The following DIAPH2 variants were observed in gnomAD, a reference collection of about 807,000 sequenced individuals.
The protein encoded by DIAPH2 is diaphanous related formin 2, also known as protein diaphanous homolog 2.
In DIAPH2, 35 loss-of-function variants were observed where a neutral mutation model predicts 92.7. That is an observed-to-expected ratio of 0.38 (90% CI 0.29 to 0.50). The LOEUF is 0.50. Ranked by LOEUF, DIAPH2 falls within the 20% of genes least tolerant of loss-of-function variation. The pLI is 0.94. For synonymous variants in DIAPH2, 301 were observed against 280.4 expected, an observed-to-expected ratio of 1.07 and a Z score of -0.73; for missense variants, 701 against 819.5, an observed-to-expected ratio of 0.86 and a Z score of 1.77.
At chrX:96,801,879 T>A (rs233659) in intron 4 of DIAPH2, among the ~76,000 whole-genome samples, 45,979 of 110,591 alleles carry the variant, frequency 0.42, 8,176 homozygotes, top group African/African-American at 0.7. Flanking sequence ...AAATATTTTT[T>A]AAAATACATT....
intron 23 of DIAPH2, among the ~76,000 whole-genome samples, chrX:97,282,383 C>T (rs934970672): frequency 3.6e-5 from 4 of 111,844 alleles, no homozygotes; most frequent in African/African-American, 1.3e-4. Flanking sequence ...AACCTCGGCT[C>T]ACTGCAACCT....
chrX:96,806,444 T>G (rs1024104566), intron 4 of DIAPH2, among the ~76,000 whole-genome samples: 1 of 108,389 alleles, frequency 9.2e-6, no homozygotes, highest in Admixed American at 1.0e-4. Context: ...GTCGGGAGTT[T>G]GAGACCAGCC....
In DIAPH2 at chrX:96,853,897, G is replaced by A. The variant is rs1457909720; in HGVS notation, c.448-27682G>A. Among the ~76,000 whole-genome samples, 5 of 111,655 alleles carry A rather than the reference G, an allele frequency of 4.5e-5. No individual in the cohort carries two copies. The East Asian group carries it at 1.4e-3, about 31-fold the overall frequency. On this transcript the variant is annotated intron_variant, in intron 4 of 26. Transcript: ENST00000324765. ...TAGTCACATATGATACTGTGCATACGCTAGATTTAAATGTTTAGTGCTTAC... is the reference window on the plus strand; with the variant it reads ...TAGTCACATATGATACTGTGCATACACTAGATTTAAATGTTTAGTGCTTAC...
chrX:97,087,322 C>T (rs778869209), intron 19 of DIAPH2, among the ~76,000 whole-genome samples: 1 of 111,554 alleles, frequency 9.0e-6, no homozygotes, highest in African/African-American at 3.2e-5. Flanking sequence ...CATATTTTGG[C>T]CTTCATTTCA....
At chrX:97,274,561 G>A (rs754472703) in intron 23 of DIAPH2, among the ~76,000 whole-genome samples, 1 of 108,347 alleles carries the variant, frequency 9.2e-6, no homozygotes, top group African/African-American at 3.3e-5. Context: ...TGTTGGCAGT[G>A]AATCAGTAGA....
At chrX:96,833,095 T>C (rs924026980) in intron 4 of DIAPH2, among the ~76,000 whole-genome samples, 3 of 111,414 alleles carry the variant, frequency 2.7e-5, no homozygotes, top group Admixed American at 1.9e-4. Context: ...CCCTTGTTTT[T>C]ACTTTTTTTA....
At chrX:97,528,061 AACTTTAT>A (rs755312272) in intron 26 of DIAPH2, among the ~76,000 whole-genome samples, 6 of 111,946 alleles carry the variant, frequency 5.4e-5, no homozygotes, top group East Asian at 2.8e-4. Context: ...TTAAAAAAAC[AACTTTAT>A]ACTTTAGCAC....
At chrX:97,152,047 G>A (rs942579516) in intron 22 of DIAPH2, among the ~76,000 whole-genome samples, 1 of 111,574 alleles carries the variant, frequency 9.0e-6, no homozygotes, top group Non-Finnish European at 1.9e-5. Context: ...TATGGAAATA[G>A]GTGGAATCCA....
intron 17 of DIAPH2, among the ~76,000 whole-genome samples, chrX:97,037,565 G>T (rs1473525333): frequency 8.9e-6 from 1 of 111,842 alleles, no homozygotes; most frequent in Non-Finnish European, 1.9e-5. Flanking sequence ...CAATTTAGAA[G>T]TAACCATCAT....
chrX:97,168,209 C>T (rs7889901), intron 22 of DIAPH2, among the ~76,000 whole-genome samples: 1,701 of 108,857 alleles, frequency 0.016, 39 homozygotes, highest in African/African-American at 0.055. Context: ...CTCAGCCTCC[C>T]GCTGTAGCTG....
intron 17 of DIAPH2, among the ~76,000 whole-genome samples, chrX:97,042,093 C>T (rs2066452057): frequency 9.0e-6 from 1 of 111,532 alleles, no homozygotes; most frequent in South Asian, 3.7e-4. Context: ...TATAATAATA[C>T]TTTTTTAACA....
rs532328365 is a variant in DIAPH2, at chrX:97,348,886, C to T, written c.3009+606C>T. On this transcript the variant is annotated intron_variant, in intron 24 of 26. Coordinates refer to ENST00000324765, the MANE Select transcript of DIAPH2 (RefSeq NM_006729.5). ...GCTATATAAATGCTATGGAAATACA[C>T]GTCCTCTGCATCTAACAAAGGAGTA... Among the ~76,000 whole-genome samples, 9 of 109,369 alleles carry T rather than the reference C, an allele frequency of 8.2e-5. No homozygotes were observed. In the South Asian group the frequency reaches 1.6e-3, roughly 19 times the overall value. 95.0% of individuals were successfully genotyped at this position (109,369 alleles called of 115,157 possible). A position where few individuals can be genotyped will look rare whatever the true frequency, so the allele number is the denominator to read the frequency against.
At chrX:97,495,001 A>T (rs1424989155) in intron 26 of DIAPH2, among the ~76,000 whole-genome samples, 1 of 112,429 alleles carries the variant, frequency 8.9e-6, no homozygotes, top group African/African-American at 3.2e-5. Flanking sequence ...TCAGTGTCCC[A>T]TGTGAGGTGA....
At chrX:97,252,716 G>GTGTTT (rs57036021) in intron 23 of DIAPH2, among the ~76,000 whole-genome samples, 8,367 of 104,298 alleles carry the variant, frequency 0.08, 418 homozygotes, top group African/African-American at 0.18. Flanking sequence ...CAAAGCTGTT[G>GTGTTT]TGTTTTGTTT....
At chrX:97,341,502 T>C (rs903939669) in intron 23 of DIAPH2, among the ~76,000 whole-genome samples, 1 of 110,058 alleles carries the variant, frequency 9.1e-6, no homozygotes, top group African/African-American at 3.3e-5. Context: ...TTATATAAAA[T>C]AAGAATATTT....
At chrX:97,291,098 A>C (rs1395884629) in intron 23 of DIAPH2, among the ~76,000 whole-genome samples, 1 of 107,334 alleles carries the variant, frequency 9.3e-6, no homozygotes, top group Non-Finnish European at 1.9e-5. Flanking sequence ...CAAAAAAAAA[A>C]CAAAAAAGCT....
intron 26 of DIAPH2, among the ~76,000 whole-genome samples, chrX:97,509,756 G>C (rs1375195573): frequency 9.3e-6 from 1 of 107,902 alleles, no homozygotes; most frequent in Non-Finnish European, 1.9e-5. Flanking sequence ...AGAACATGTG[G>C]TGTTTGGTTT....
chrX:97,433,742 G>A (rs2070152855), intron 26 of DIAPH2, among the ~76,000 whole-genome samples: 1 of 111,587 alleles, frequency 9.0e-6, no homozygotes, highest in African/African-American at 3.3e-5. Flanking sequence ...TACATGATGA[G>A]GGAAGATGTA....
chrX:97,038,021 C>T (rs754308018), intron 17 of DIAPH2, among the ~76,000 whole-genome samples: 25 of 111,183 alleles, frequency 2.2e-4, no homozygotes, highest in Non-Finnish European at 4.2e-4. Context: ...AACCTACCCC[C>T]TTCTGAGTCT....
Sources: gnomAD v4.1 joint callset for allele counts (sites outside exome capture counted in the v4.1 genomes callset) on GRCh38, gnomAD v4.1.1 for gene constraint, MANE v1.5 for transcripts, NCBI Gene and HGNC (gene_info 2026-07-23, HGNC 2026-07-21) for gene names.